The following ANO2 variants were observed in gnomAD, a reference collection of about 807,000 sequenced individuals.
ANO2 encodes the protein anoctamin 2.
A neutral mutation model predicts 124.2 loss-of-function variants in ANO2; 101 were observed. That is an observed-to-expected ratio of 0.81 (90% CI 0.69 to 0.96). ANO2 has a LOEUF of 0.96. Among genes scored for constraint, ANO2 ranks in the 40% least tolerant of loss-of-function variants. The probability of loss-of-function intolerance (pLI) is 0.00; values close to 1 mark genes in which losing one functional copy is unlikely to be tolerated. For synonymous variants in ANO2, 486 were observed against 482.5 expected (o/e 1.01, Z -0.09); for missense variants, 1,293 against 1,274.5 (o/e 1.01, Z -0.22).
chr12:5,733,370 A>T (rs1950722638), intron 13 of ANO2, among the ~76,000 whole-genome samples: 1 of 152,240 alleles, frequency 6.6e-6, no homozygotes, highest in Non-Finnish European at 1.5e-5. Flanking sequence ...ATGCCGGGGT[A>T]GGAAAATGCA....
intron 1 of ANO2, among the ~76,000 whole-genome samples, chr12:5,931,293 C>T (rs1029274646): frequency 6.6e-6 from 1 of 152,084 alleles, no homozygotes; most frequent in African/African-American, 2.4e-5. Flanking sequence ...ATGCCAGGCT[C>T]CAAGCACAGC....
chr12:5,768,336 T>C (rs908984947), intron 10 of ANO2, among the ~76,000 whole-genome samples: 1 of 152,148 alleles, frequency 6.6e-6, no homozygotes, highest in Non-Finnish European at 1.5e-5. Flanking sequence ...CTGGTGGGAA[T>C]TTCACCAGGT....
intron 20 of ANO2, among the ~76,000 whole-genome samples, chr12:5,586,137 G>T (rs2136859334): frequency 6.6e-6 from 1 of 152,218 alleles, no homozygotes; most frequent in East Asian, 1.9e-4. Context: ...GGCATCTTCT[G>T]TATCCCAGAA....
intron 1 of ANO2, among the ~76,000 whole-genome samples, chr12:5,923,366 TGGCATTGAGCAAGTCAGGGTGGTGGGGG>T (rs1941928601): frequency 6.6e-6 from 1 of 151,798 alleles, no homozygotes; most frequent in African/African-American, 2.4e-5. Context: ...AAGAAAGGGG[TGGCATTGAGCAAGTCAGGGTGGTGGGGG>T]GGCACTGCCT....
intron 3 of ANO2, among the ~76,000 whole-genome samples, chr12:5,855,841 A>C (rs1955081575): frequency 6.6e-6 from 1 of 152,250 alleles, no homozygotes; most frequent in African/African-American, 2.4e-5. Flanking sequence ...ATTAAGAAAC[A>C]CACCCAAGGA....
chr12:5,704,697 A>ATG (rs3067798), intron 14 of ANO2, among the ~76,000 whole-genome samples: 30,134 of 148,630 alleles, frequency 0.2, 3,274 homozygotes, highest in African/African-American at 0.31. Context: ...TGGTGTGTGT[A>ATG]TGTGTGTGTG....
At chr12:5,567,417 C>T (rs71459954) in intron 23 of ANO2, among the ~76,000 whole-genome samples, 6,411 of 152,220 alleles carry the variant, frequency 0.042, 204 homozygotes, top group Admixed American at 0.059. Context: ...CCAGACAGGA[C>T]GCCATGGCAA....
intron 1 of ANO2, among the ~76,000 whole-genome samples, chr12:5,939,992 T>C (rs1323808295): frequency 2.0e-5 from 3 of 152,206 alleles, no homozygotes; most frequent in Non-Finnish European, 4.4e-5. Flanking sequence ...CCAAGTAGGC[T>C]CTCAGATCCA....
Position 5,900,110 on chromosome 12 carries a change from CCT to C in ANO2, c.534+20928_534+20929del, listed in dbSNP as rs1250043804. ...ATGAGTTCCGTTTTTCAGCAGTTCC[CCT>C]GTCACCCAAGTTCTGATGGTCTCTC... On this transcript the variant is annotated intron_variant, in intron 3 of 24. Transcript: ENST00000682330. This position sits in a 1 kb window ranked among gnomAD's most constrained non-coding sequence, Gnocchi z 4.2. Among the ~76,000 whole-genome samples, 2 of 152,162 alleles carry C rather than the reference CCT, an allele frequency of 1.3e-5. No individual in the cohort carries two copies. The highest frequency in any genetic ancestry group is 6.5e-5 in the Admixed American group (1 of 15,280).
At chr12:5,716,352 G>A (rs1483574003) in intron 14 of ANO2, among the ~76,000 whole-genome samples, 12 of 152,136 alleles carry the variant, frequency 7.9e-5, no homozygotes, top group Admixed American at 7.9e-4. Flanking sequence ...CTGCAGTGTG[G>A]CCCCTGGCTC....
chr12:5,565,206 G>T (rs1941676846), intron 24 of ANO2, among the ~76,000 whole-genome samples: 1 of 152,146 alleles, frequency 6.6e-6, no homozygotes, highest in African/African-American at 2.4e-5. Context: ...AGATGAGATG[G>T]GGCTGTTTGT....
chr12:5,768,292 T>C (rs1951959611), intron 10 of ANO2, among the ~76,000 whole-genome samples: 1 of 152,194 alleles, frequency 6.6e-6, no homozygotes, highest in Non-Finnish European at 1.5e-5. Context: ...CTGAGGATCT[T>C]CCCTCATTGG....
At chr12:5,694,822 C>T (rs574951182) in intron 14 of ANO2, among the ~76,000 whole-genome samples, 1 of 151,992 alleles carries the variant, frequency 6.6e-6, no homozygotes, top group African/African-American at 2.4e-5. Flanking sequence ...AGAGCATGGC[C>T]CTGGGTCAGA....
chr12:5,933,065 G>A lies in ANO2; in HGVS notation c.23-10261C>T, dbSNP rs142065394. ...CTCCTCACCCTCATTTTCTGCCTGC[G>A]GAGTCCCCACAAGGGGCCAGCTACG... On this transcript the variant is annotated intron_variant, in intron 1 of 24. Transcript: ENST00000682330. Among the ~76,000 whole-genome samples the A allele has an allele frequency of 9.9e-5, 15 of 152,256 alleles. No homozygotes were observed. In the East Asian group the frequency reaches 1.4e-3, roughly 14 times the overall value.
rs916043762 is a variant in ANO2, at chr12:5,769,030, T to C, written c.1056-18060A>G. 6.6e-6 allele frequency among the ~76,000 whole-genome samples: 1 copy of C among 152,148 alleles called. No homozygotes were observed. The highest frequency in any genetic ancestry group is 2.4e-5 in the African/African-American group (1 of 41,430). On this transcript the variant is annotated intron_variant, in intron 10 of 24. Transcript: ENST00000682330. This position sits in a 1 kb window ranked among gnomAD's most constrained non-coding sequence, Gnocchi z 4.0. ...ATGGCAGCGCTGTGGAAGCTGGGCT[T>C]AGCTTATGTCCTGACAGCTGGAAAC...
chr12:5,852,042 G>C, intron 4 of ANO2: 1 of 705,884 alleles, frequency 1.4e-6, no homozygotes, highest in Non-Finnish European at 2.6e-6. Context: ...TACACATTCA[G>C]ATAAACCAGA....
intron 3 of ANO2, among the ~76,000 whole-genome samples, chr12:5,897,462 G>A (rs1939870628): frequency 1.3e-5 from 2 of 152,304 alleles, no homozygotes; most frequent in South Asian, 4.1e-4. Flanking sequence ...GTAAAGAAAT[G>A]GGCATAGTAA....
intron 14 of ANO2, among the ~76,000 whole-genome samples, chr12:5,666,441 C>T (rs1565541955): frequency 6.6e-6 from 1 of 152,114 alleles, no homozygotes; most frequent in Non-Finnish European, 1.5e-5. Flanking sequence ...GGCAGGTATC[C>T]CAGGACTGCC....
chr12:5,638,016 T>A (rs932853295), intron 15 of ANO2, among the ~76,000 whole-genome samples: 1 of 152,102 alleles, frequency 6.6e-6, no homozygotes, highest in Non-Finnish European at 1.5e-5. Context: ...TGGTAGAAAT[T>A]TTAAAATCTT....
Sources: allele counts gnomAD v4.1 joint callset (sites outside exome capture counted in the v4.1 genomes callset), GRCh38; gene constraint gnomAD v4.1.1; non-coding constraint Gnocchi (gnomAD v3.1); transcripts MANE v1.5; gene names NCBI Gene and HGNC (gene_info 2026-07-23, HGNC 2026-07-21).